Variants in L3MBTL4 observed in about 807,000 individuals in gnomAD.
L3MBTL4 encodes the protein L3MBTL histone methyl-lysine binding protein 4.
A neutral mutation model predicts 84.5 loss-of-function variants in L3MBTL4; 70 were observed. The observed-to-expected ratio is 0.83, with a 90% confidence interval of 0.68 to 1.01. L3MBTL4 has a LOEUF of 1.01. Among genes scored for constraint, L3MBTL4 ranks in the 50% least tolerant of loss-of-function variants. The pLI is 0.00. For synonymous variants in L3MBTL4, 274 were observed against 259.8 expected (o/e 1.05, Z -0.52); for missense variants, 715 against 754.8 (o/e 0.95, Z 0.62).
intron 4 of L3MBTL4, among the ~76,000 whole-genome samples, chr18:6,293,812 C>G (rs60238774): frequency 0.19 from 28,525 of 152,044 alleles, 2,791 homozygotes; most frequent in African/African-American, 0.24. Flanking sequence ...TCCAAACTGA[C>G]AGACATTTTA....
At chr18:6,207,137 G>C (rs144367586) in intron 12 of L3MBTL4, among the ~76,000 whole-genome samples, 169 of 152,304 alleles carry the variant, frequency 1.1e-3, no homozygotes, top group Middle Eastern at 0.01. Context: ...AAAAGTATGT[G>C]TGATGCAAAT....
intron 16 of L3MBTL4, among the ~76,000 whole-genome samples, chr18:6,053,319 T>C (rs1384531831): frequency 6.6e-5 from 10 of 152,198 alleles, no homozygotes; most frequent in Admixed American, 5.2e-4. Context: ...TGGGTTAGAC[T>C]AAGAGGATGC....
intron 1 of L3MBTL4, among the ~76,000 whole-genome samples, chr18:6,371,268 A>C (rs1025703795): frequency 6.6e-6 from 1 of 152,232 alleles, no homozygotes; most frequent in Non-Finnish European, 1.5e-5. Flanking sequence ...TTACACCTGT[A>C]CTGTGAGCTG....
chr18:5,962,040 G>C (rs2095266127), intron 17 of L3MBTL4, among the ~76,000 whole-genome samples: 1 of 152,180 alleles, frequency 6.6e-6, no homozygotes, highest in African/African-American at 2.4e-5. Flanking sequence ...CTGGCTGCTG[G>C]AAGAGCTGCC....
At chr18:6,132,661 G>T in intron 14 of L3MBTL4, among the ~76,000 whole-genome samples, 1 of 152,110 alleles carries the variant, frequency 6.6e-6, no homozygotes, top group East Asian at 1.9e-4. Flanking sequence ...AACCTTTAAA[G>T]GCTACTTAGT....
intron 16 of L3MBTL4, among the ~76,000 whole-genome samples, chr18:5,980,158 C>T (rs994652352): frequency 6.6e-6 from 1 of 152,124 alleles, no homozygotes; most frequent in Non-Finnish European, 1.5e-5. Flanking sequence ...AGTCAGTCTG[C>T]GTTGTGGGGT....
intron 16 of L3MBTL4, among the ~76,000 whole-genome samples, chr18:5,971,640 C>T (rs1434601128): frequency 6.6e-6 from 1 of 152,194 alleles, no homozygotes; most frequent in African/African-American, 2.4e-5. Context: ...GAAAAAAAGA[C>T]ACACAAAAAC....
At chr18:6,249,873 C>T (rs2047847956) in intron 5 of L3MBTL4, among the ~76,000 whole-genome samples, 1 of 152,184 alleles carries the variant, frequency 6.6e-6, no homozygotes, top group Non-Finnish European at 1.5e-5. Flanking sequence ...TACAGATCGA[C>T]TCGAGCCCAG....
At chr18:6,225,468 C>T (rs2046740966) in intron 10 of L3MBTL4, among the ~76,000 whole-genome samples, 2 of 152,064 alleles carry the variant, frequency 1.3e-5, no homozygotes. Flanking sequence ...ATAAAAAATA[C>T]ATTAAGGGTG....
intron 16 of L3MBTL4, among the ~76,000 whole-genome samples, chr18:6,038,509 C>T (rs897818263): frequency 1.3e-5 from 2 of 152,076 alleles, no homozygotes; most frequent in Non-Finnish European, 2.9e-5. Flanking sequence ...CTGCCTCGGC[C>T]TCCCAAAGTG....
chr18:6,292,624 T>C, intron 4 of L3MBTL4, among the ~76,000 whole-genome samples: 1 of 152,108 alleles, frequency 6.6e-6, no homozygotes, highest in East Asian at 1.9e-4. Context: ...TAACCTAACT[T>C]CAAAATAGTT....
At chr18:6,097,196 G>A (rs796847176) in intron 14 of L3MBTL4, among the ~76,000 whole-genome samples, 14 of 152,250 alleles carry the variant, frequency 9.2e-5, no homozygotes, top group Middle Eastern at 3.4e-3. Context: ...GAGGATATAC[G>A]CTAAATAAAC....
chr18:5,961,977 A>T (rs78529747), intron 17 of L3MBTL4, among the ~76,000 whole-genome samples: 2,668 of 152,230 alleles, frequency 0.018, 38 homozygotes, highest in Middle Eastern at 0.044. Flanking sequence ...CATTCCTCAG[A>T]CAACTGTGCT....
At chr18:6,011,754 G>A (rs1160279843) in intron 16 of L3MBTL4, among the ~76,000 whole-genome samples, 10 of 152,160 alleles carry the variant, frequency 6.6e-5, no homozygotes, top group African/African-American at 2.2e-4. Context: ...GTGGCTTTTA[G>A]GCATACAACA....
At chr18:6,374,546 G>A (rs1351196934) in intron 1 of L3MBTL4, 2 of 154,716 alleles carry the variant, frequency 1.3e-5, no homozygotes, top group East Asian at 1.9e-4. Flanking sequence ...ACAAAAAGCT[G>A]TACAAATAAA....
At position 6,155,077 on chromosome 18, in the gene L3MBTL4, GAA is replaced by G. The variant is rs1307541337; in HGVS notation, c.1096+16749_1096+16750del. 2.0e-5 allele frequency among the ~76,000 whole-genome samples: 3 copies of G among 152,138 alleles called. No homozygotes were observed. In the East Asian group the frequency reaches 5.8e-4, roughly 29 times the overall value. On this transcript the variant is annotated intron_variant, in intron 13 of 18. Transcript: ENST00000317931. ...AACAATAAAAGCTTTTAATGTTCAA[GAA>G]AAGAGTCAAGTCAAATAGCAACAAG...
At chr18:6,162,247 ATAGAG>A (rs1416209124) in intron 13 of L3MBTL4, among the ~76,000 whole-genome samples, 1 of 152,162 alleles carries the variant, frequency 6.6e-6, no homozygotes, top group African/African-American at 2.4e-5. Flanking sequence ...TCTATAAAAT[ATAGAG>A]TAGATTCCAT....
intron 16 of L3MBTL4, among the ~76,000 whole-genome samples, chr18:6,079,792 ATGG>A (rs975586623): frequency 6.6e-6 from 1 of 152,180 alleles, no homozygotes; most frequent in Admixed American, 6.5e-5. Context: ...GAACATTTGT[ATGG>A]AACAGTTTCT....
Position 6,287,838 on chromosome 18 carries a change from A to G in L3MBTL4, c.127+14065T>C, listed in dbSNP as rs56905328. Among the ~76,000 whole-genome samples the G allele has an allele frequency of 3.7e-3, 556 of 152,292 alleles. 1 individual carries two copies. The highest frequency in any genetic ancestry group is 0.013 in the African/African-American group (531 of 41,570). ...AGCCTTTATAAGATTACCTATTTAA[A>G]TAAATCTTACCCTGAGCAACATAAT... On this transcript the variant is annotated intron_variant, in intron 4 of 18. Coordinates refer to ENST00000317931, the MANE Select transcript of L3MBTL4 (RefSeq NM_001330559.2).
Sources: allele counts gnomAD v4.1 joint callset (sites outside exome capture counted in the v4.1 genomes callset), GRCh38; gene constraint gnomAD v4.1.1; transcripts MANE v1.5; gene names NCBI Gene and HGNC (gene_info 2026-07-23, HGNC 2026-07-21).